The following GLCE variants were observed in gnomAD, a reference collection of about 807,000 sequenced individuals.
GLCE encodes D-glucuronyl C5-epimerase.
A neutral mutation model predicts 47.9 loss-of-function variants in GLCE; 19 were observed. The ratio of observed to expected loss-of-function variants is 0.40; its 90% CI spans 0.28 to 0.58. GLCE has a LOEUF of 0.58. Among genes scored for constraint, GLCE ranks in the 20% least tolerant of loss-of-function variants. GLCE has a pLI of 0.48. For synonymous variants in GLCE, 245 were observed against 263.4 expected (o/e 0.93, Z 0.68); for missense variants, 556 against 743.3 (o/e 0.75, Z 2.93).
At chr15:69,258,660 T>A (rs144809824) in intron 3 of GLCE, among the ~76,000 whole-genome samples, 178 of 152,280 alleles carry the variant, frequency 1.2e-3, no homozygotes, top group African/African-American at 4.2e-3. Flanking sequence ...AGGCATGCAA[T>A]GTATAATAAT....
rs962367268 is a variant in GLCE at position 69,270,031 on chromosome 15, T to C, written c.*787T>C. 1 of 152,646 alleles carries C rather than the reference T, an allele frequency of 6.6e-6. No individual in the cohort carries two copies. The highest frequency in any genetic ancestry group is 1.5e-5 in the Non-Finnish European group (1 of 68,032). The allele number at this position is 152,646 out of a possible 1,614,324, so 9.5% of individuals were successfully genotyped here. A position where few individuals can be genotyped will look rare whatever the true frequency, so the allele number is the denominator to read the frequency against. On this transcript the variant is annotated 3_prime_UTR_variant, in exon 5 of 5. Coordinates refer to ENST00000261858, the MANE Select transcript of GLCE (RefSeq NM_015554.3). Reference sequence around the variant, plus strand: ...TTGTGACAGTTTCTTTTTGTCACTGTCTAGAATTTTGTATTTTATTTCAGA... The same window carrying C: ...TTGTGACAGTTTCTTTTTGTCACTGCCTAGAATTTTGTATTTTATTTCAGA...
Position 69,166,566 on chromosome 15 carries a change from CAGTT to C in GLCE, c.-105+5814_-105+5817del, listed in dbSNP as rs544201778. Among the ~76,000 whole-genome samples the C allele has an allele frequency of 3.0e-3, 455 of 152,286 alleles. 1 individual carries two copies. Among genetic ancestry groups the C allele is most frequent in the Non-Finnish European group, 4.4e-3 (298 of 68,022 alleles). On this transcript the variant is annotated intron_variant, in intron 1 of 4. Transcript: ENST00000261858. ...GTGGAATGGGGTGCTGAAGATCACA[CAGTT>C]AGTTGGTCTATAAGATTTTCTTTGT...
chr15:69,161,403 G>A (rs1348130694), intron 1 of GLCE, among the ~76,000 whole-genome samples: 1 of 151,962 alleles, frequency 6.6e-6, no homozygotes, highest in African/African-American at 2.4e-5. Flanking sequence ...GTTGTTGGGG[G>A]CTGAGGGTGT....
At chr15:69,183,188 A>G (rs995403356) in intron 1 of GLCE, among the ~76,000 whole-genome samples, 2 of 152,138 alleles carry the variant, frequency 1.3e-5, no homozygotes, top group African/African-American at 4.8e-5. Context: ...AGAATTGGGA[A>G]AGGATTGTGT....
intron 2 of GLCE, among the ~76,000 whole-genome samples, chr15:69,218,739 A>G (rs1459298363): frequency 6.6e-6 from 1 of 152,216 alleles, no homozygotes; most frequent in Non-Finnish European, 1.5e-5. Flanking sequence ...ATATGGCTAA[A>G]TATCCATTTG....
chr15:69,175,220 C>G (rs2051644809), intron 1 of GLCE, among the ~76,000 whole-genome samples: 1 of 151,638 alleles, frequency 6.6e-6, no homozygotes, highest in African/African-American at 2.4e-5. Context: ...AGTAATATAC[C>G]CACTTTAAAA....
At chr15:69,233,514 G>A (rs1352715964) in intron 2 of GLCE, among the ~76,000 whole-genome samples, 1 of 152,086 alleles carries the variant, frequency 6.6e-6, no homozygotes, top group Non-Finnish European at 1.5e-5. Flanking sequence ...CACTAGTAAT[G>A]GGGGGAAACA....
rs529921535 is a variant in GLCE, at chr15:69,176,485, A to G, written c.-105+15728A>G. Among the ~76,000 whole-genome samples, 10 of 152,070 alleles carry G rather than the reference A, an allele frequency of 6.6e-5. No homozygotes were observed. The East Asian group carries it at 1.4e-3, about 21-fold the overall frequency. ...ATGATCTGCCCACCTCAGCCACCCA[A>G]AGTACTGGGATTACAGGCATGCGTC... On this transcript the variant is annotated intron_variant, in intron 1 of 4. Transcript: ENST00000261858.
chr15:69,205,946 A>G (rs1033860630), intron 1 of GLCE, among the ~76,000 whole-genome samples: 4 of 152,048 alleles, frequency 2.6e-5, no homozygotes, highest in Non-Finnish European at 4.4e-5. Flanking sequence ...TTACAAAACC[A>G]AGTGCATTTT....
At chr15:69,240,548 G>T (rs760782235) in intron 2 of GLCE, among the ~76,000 whole-genome samples, 11 of 152,094 alleles carry the variant, frequency 7.2e-5, no homozygotes, top group Admixed American at 2.0e-4. Flanking sequence ...GAAAGTGGGG[G>T]CTAGCTAACG....
intron 2 of GLCE, among the ~76,000 whole-genome samples, chr15:69,214,495 G>A (rs144359070): frequency 7.2e-5 from 11 of 152,076 alleles, no homozygotes; most frequent in Non-Finnish European, 1.5e-4. Flanking sequence ...ATGATTGTAA[G>A]TTTCCTGAGG....
At position 69,268,823 on chromosome 15, in the gene GLCE, A is replaced by G. The variant is rs1258608723; in HGVS notation, c.1433A>G (p.Lys478Arg). The G allele has an allele frequency of 1.2e-6, 2 of 1,614,128 alleles. No homozygotes were observed. Among genetic ancestry groups the G allele is most frequent in the African/African-American group, 2.7e-5 (2 of 74,948 alleles). The change falls in exon 5 of 5, where the codon AAG becomes AGG. Residue 478 changes from lysine (K) to arginine (R), a missense_variant. Physicochemically the swap from Lys to Arg is conservative, Grantham distance 26. Transcript: ENST00000261858. The part of the protein sequence containing the change: ...NSALRATAPY[K>R]FLSEQHGVKA... ...GCTTTAAGGGCAACAGCCCCTTATA[A>G]GTTTCTATCTGAGCAGCATGGAGTT...
chr15:69,213,447 C>G (rs1490958061), intron 2 of GLCE, among the ~76,000 whole-genome samples: 1 of 152,092 alleles, frequency 6.6e-6, no homozygotes, highest in Non-Finnish European at 1.5e-5. Context: ...AGTTGAGTTT[C>G]TCTGATGTTT....
intron 1 of GLCE, among the ~76,000 whole-genome samples, chr15:69,205,464 T>G (rs2052137190): frequency 6.6e-6 from 1 of 152,120 alleles, no homozygotes; most frequent in Non-Finnish European, 1.5e-5. Context: ...AACATTTGTG[T>G]ATAGGATTTT....
chr15:69,184,079 C>A (rs538673530), intron 1 of GLCE, among the ~76,000 whole-genome samples: 1 of 152,316 alleles, frequency 6.6e-6, no homozygotes, highest in South Asian at 2.1e-4. Context: ...AGTTTGATGT[C>A]TTCGTAGTCA....
At chr15:69,192,994 T>G (rs2051935613) in intron 1 of GLCE, among the ~76,000 whole-genome samples, 1 of 152,152 alleles carries the variant, frequency 6.6e-6, no homozygotes. Context: ...ATGTATAACT[T>G]GTATTCAGCC....
intron 2 of GLCE, among the ~76,000 whole-genome samples, chr15:69,216,308 G>T (rs909389049): frequency 3.9e-5 from 6 of 152,096 alleles, no homozygotes; most frequent in African/African-American, 9.6e-5. Flanking sequence ...AATGGACAAA[G>T]AAACCTGATA....
intron 2 of GLCE, among the ~76,000 whole-genome samples, chr15:69,255,358 G>A (rs2052906394): frequency 6.6e-6 from 1 of 152,166 alleles, no homozygotes; most frequent in East Asian, 1.9e-4. Flanking sequence ...ACTCAGTGAA[G>A]CGTTTCAGAT....
intron 2 of GLCE, among the ~76,000 whole-genome samples, chr15:69,232,368 T>A (rs1422505497): frequency 6.6e-6 from 1 of 152,160 alleles, no homozygotes; most frequent in Non-Finnish European, 1.5e-5. Context: ...AGATACATAT[T>A]GTGTTATATT....
Sources: allele counts gnomAD v4.1 joint callset (sites outside exome capture counted in the v4.1 genomes callset), GRCh38; gene constraint gnomAD v4.1.1; transcripts MANE v1.5; gene names NCBI Gene and HGNC (gene_info 2026-07-23, HGNC 2026-07-21).